Variants in ANO6 observed in about 807,000 individuals in gnomAD.
The protein encoded by ANO6 is anoctamin-6.
A neutral mutation model predicts 117.5 loss-of-function variants in ANO6; 106 were observed. That is an observed-to-expected ratio of 0.90 (90% CI 0.77 to 1.06). The LOEUF (loss-of-function observed/expected upper bound fraction) is 1.06. Ranked by LOEUF, ANO6 falls within the 50% of genes least tolerant of loss-of-function variation. The probability of loss-of-function intolerance (pLI) is 0.00; values close to 1 mark genes in which losing one functional copy is unlikely to be tolerated. For synonymous variants in ANO6, 367 were observed against 385.1 expected (o/e 0.95, Z 0.55); for missense variants, 955 against 1,121.1 (o/e 0.85, Z 2.12).
At chr12:45,240,351 A>ATTATTTTTTT (rs1947720404) in intron 1 of ANO6, among the ~76,000 whole-genome samples, 2 of 30,700 alleles carry the variant, frequency 6.5e-5, no homozygotes, top group Non-Finnish European at 8.7e-5. Context: ...GCAACCCCTG[A>ATTATTTTTTT]TTTTTTTTTT....
chr12:45,365,007 T>C (rs1376626599), intron 8 of ANO6, among the ~76,000 whole-genome samples: 2 of 151,958 alleles, frequency 1.3e-5, no homozygotes, highest in Non-Finnish European at 2.9e-5. Flanking sequence ...TACTTGTCTT[T>C]GTCATGTGTG....
Position 45,439,795 on chromosome 12 carries a change from CAACT to C in ANO6, c.2652_2655del (p.Thr885LeufsTer15). ...TGTCGATGAAATTAGACTTTTGGAA[CAACT>C]AACTTCTGACTTTATTGACTCCCTC... On this transcript the variant is annotated frameshift_variant, in exon 20 of 20. Transcript: ENST00000425752. LOFTEE classifies it low-confidence loss of function (END_TRUNC). The C allele has an allele frequency of 6.4e-7, 1 of 1,550,666 alleles. No homozygotes were observed. Among genetic ancestry groups the C allele is most frequent in the Non-Finnish European group, 8.7e-7 (1 of 1,146,490 alleles).
intron 1 of ANO6, among the ~76,000 whole-genome samples, chr12:45,289,750 C>T (rs1262414894): frequency 6.6e-6 from 1 of 151,886 alleles, no homozygotes; most frequent in Admixed American, 6.6e-5. Flanking sequence ...GAAATGAGAC[C>T]CTATGGGGTC....
chr12:45,373,443 T>C (rs1248284286), intron 9 of ANO6, among the ~76,000 whole-genome samples: 2 of 152,104 alleles, frequency 1.3e-5, no homozygotes, highest in Non-Finnish European at 2.9e-5. Flanking sequence ...TATTCCAAAA[T>C]TGACCACATA....
At chr12:45,335,210 C>T (rs1477165976) in intron 3 of ANO6, among the ~76,000 whole-genome samples, 7 of 151,872 alleles carry the variant, frequency 4.6e-5, no homozygotes, top group Non-Finnish European at 8.8e-5. Flanking sequence ...CCAGTGGAGA[C>T]TGTAGGATAG....
At chr12:45,328,667 T>G (rs2137392727) in intron 2 of ANO6, among the ~76,000 whole-genome samples, 1 of 152,280 alleles carries the variant, frequency 6.6e-6, no homozygotes, top group South Asian at 2.1e-4. Flanking sequence ...ATCTTTTGTT[T>G]CCCTAGAACT....
chr12:45,421,965 A>G (rs1173249042), intron 18 of ANO6, among the ~76,000 whole-genome samples: 1 of 152,118 alleles, frequency 6.6e-6, no homozygotes, highest in Non-Finnish European at 1.5e-5. Context: ...ATTTAGTCCA[A>G]CTCCTCAAAG....
intron 1 of ANO6, among the ~76,000 whole-genome samples, chr12:45,260,797 T>G (rs1370279279): frequency 6.6e-6 from 1 of 152,124 alleles, no homozygotes; most frequent in Non-Finnish European, 1.5e-5. Flanking sequence ...TATTTATTTT[T>G]TTTTAAGAGA....
intron 1 of ANO6, among the ~76,000 whole-genome samples, chr12:45,263,631 T>G (rs1309976624): frequency 6.6e-6 from 1 of 152,162 alleles, no homozygotes; most frequent in Non-Finnish European, 1.5e-5. Context: ...TTTTTATAGA[T>G]GTGTGTACAA....
intron 2 of ANO6, among the ~76,000 whole-genome samples, chr12:45,304,649 G>T (rs1231736488): frequency 6.6e-6 from 1 of 152,120 alleles, no homozygotes; most frequent in Non-Finnish European, 1.5e-5. Context: ...TTATACAATG[G>T]GGTGTATTTA....
At chr12:45,377,213 A>T (rs1315255634) in intron 9 of ANO6, among the ~76,000 whole-genome samples, 1 of 151,836 alleles carries the variant, frequency 6.6e-6, no homozygotes, top group Non-Finnish European at 1.5e-5. Flanking sequence ...CATAAAGTAG[A>T]TATAATATGC....
chr12:45,437,573 T>A (rs1007633464), intron 19 of ANO6, among the ~76,000 whole-genome samples: 32 of 150,394 alleles, frequency 2.1e-4, no homozygotes, highest in African/African-American at 7.3e-4. Flanking sequence ...TGGGCTCTCA[T>A]AACTTTTTTT....
At chr12:45,231,256 T>C (rs893389386) in intron 1 of ANO6, among the ~76,000 whole-genome samples, 6 of 152,234 alleles carry the variant, frequency 3.9e-5, no homozygotes, top group Non-Finnish European at 7.3e-5. Flanking sequence ...GTTATTACCC[T>C]GGTAGTTTGA....
At chr12:45,397,093 C>T (rs1211015532) in intron 12 of ANO6, among the ~76,000 whole-genome samples, 1 of 152,138 alleles carries the variant, frequency 6.6e-6, no homozygotes, top group Non-Finnish European at 1.5e-5. Flanking sequence ...GCAATCTACC[C>T]ATCTGACAAA....
chr12:45,352,560 T>TAAAAAAA (rs5797940), intron 7 of ANO6, among the ~76,000 whole-genome samples: 1 of 93,930 alleles, frequency 1.1e-5, no homozygotes, highest in Non-Finnish European at 2.0e-5. Flanking sequence ...GATCCAGTCT[T>TAAAAAAA]AAAAAAAAAA....
At chr12:45,371,339 C>T (rs1369963089) in intron 9 of ANO6, among the ~76,000 whole-genome samples, 2 of 152,212 alleles carry the variant, frequency 1.3e-5, no homozygotes, top group African/African-American at 2.4e-5. Context: ...CCAGGAAGCT[C>T]GAACTTGGTG....
At chr12:45,228,242 T>A (rs1204170417) in intron 1 of ANO6, 1 of 435,456 alleles carries the variant, frequency 2.3e-6, no homozygotes, top group Non-Finnish European at 4.6e-6. Flanking sequence ...TTGATCCTCT[T>A]ACCTCAACCT....
chr12:45,312,386 A>G (rs1939877508), intron 2 of ANO6, among the ~76,000 whole-genome samples: 1 of 152,090 alleles, frequency 6.6e-6, no homozygotes, highest in African/African-American at 2.4e-5. Context: ...AAAGAGAAAG[A>G]CAGAACTTGG....
rs557256645 is a variant in ANO6 at position 45,216,519 on chromosome 12, G to T, written c.70+128G>T. 562 of 1,071,428 alleles carry T rather than the reference G, an allele frequency of 5.2e-4. 1 individual carries two copies. Among genetic ancestry groups the T allele is most frequent in the Non-Finnish European group, 6.8e-4 (510 of 748,096 alleles). The allele number at this position is 1,071,428 out of a possible 1,614,324, so 66.4% of individuals were successfully genotyped here. A position where few individuals can be genotyped will look rare whatever the true frequency, so the allele number is the denominator to read the frequency against. On this transcript the variant is annotated intron_variant, in intron 1 of 19. Transcript: ENST00000320560. Reference sequence around the variant, plus strand: ...CCGAGACGCTCGGCCGCTCCGGGCAGGGGAGGAAGCCCGCTGTCCCCGGCT... The same window carrying T: ...CCGAGACGCTCGGCCGCTCCGGGCATGGGAGGAAGCCCGCTGTCCCCGGCT...
Sources: gnomAD v4.1 joint callset for allele counts (sites outside exome capture counted in the v4.1 genomes callset) on GRCh38, gnomAD v4.1.1 for gene constraint, MANE v1.5 for transcripts, NCBI Gene and HGNC (gene_info 2026-07-23, HGNC 2026-07-21) for gene names.